Variants in GPR55 observed in about 807,000 individuals in gnomAD.
GPR55 encodes the protein G protein-coupled receptor 55.
GPR55 carries 6 observed loss-of-function variants against 7.9 expected under a neutral mutation model. The ratio of observed to expected loss-of-function variants is 0.76; its 90% CI spans 0.41 to 1.49. The LOEUF (loss-of-function observed/expected upper bound fraction) is 1.49. Among genes scored for constraint, GPR55 ranks in the 40% most tolerant of loss-of-function variants. GPR55 has a pLI of 0.01. For synonymous variants in GPR55, 183 were observed against 166.8 expected, an observed-to-expected ratio of 1.10 and a Z score of -0.75; for missense variants, 376 against 406.0, an observed-to-expected ratio of 0.93 and a Z score of 0.63.
chr2:230,913,727 T>C (rs1269385342), intron 1 of GPR55, among the ~76,000 whole-genome samples: 1 of 152,086 alleles, frequency 6.6e-6, no homozygotes. Context: ...AAAAAATTAC[T>C]GGAATAGCTT....
chr2:230,947,654 C>T (rs995780126), intron 1 of GPR55, among the ~76,000 whole-genome samples: 1 of 151,990 alleles, frequency 6.6e-6, no homozygotes, highest in African/African-American at 2.4e-5. Flanking sequence ...CAGGGGCACA[C>T]CACCATGCCA....
At chr2:230,926,900 T>C (rs60693368), upstream of GPR55, among the ~76,000 whole-genome samples, 135 of 151,658 alleles carry the variant, frequency 8.9e-4, 1 homozygote, top group African/African-American at 3.0e-3. Context: ...ACCATGTTGG[T>C]CAGGCTGGTC....
intron 1 of GPR55, among the ~76,000 whole-genome samples, chr2:230,920,328 T>A (rs1690804842): frequency 6.6e-6 from 1 of 152,070 alleles, no homozygotes; most frequent in Non-Finnish European, 1.5e-5. Context: ...TCACCAAAGC[T>A]CAGCTGATGA....
intron 1 of GPR55, among the ~76,000 whole-genome samples, chr2:230,920,026 A>C (rs1007036814): frequency 4.6e-5 from 7 of 150,990 alleles, no homozygotes; most frequent in African/African-American, 1.5e-4. Flanking sequence ...CATCCCAACC[A>C]GTGGTTGCAT....
chr2:230,948,803 C>T (rs901222540), intron 1 of GPR55, among the ~76,000 whole-genome samples: 5 of 152,186 alleles, frequency 3.3e-5, no homozygotes, highest in East Asian at 1.9e-4. Context: ...GAGGGTTGGG[C>T]GAGGTGGCTC....
At chr2:230,927,724 G>A (rs1046273610), upstream of GPR55, among the ~76,000 whole-genome samples, 1 of 152,224 alleles carries the variant, frequency 6.6e-6, no homozygotes, top group African/African-American at 2.4e-5. Flanking sequence ...GCTTCTTCTA[G>A]GGCAAGGAAC....
Position 230,910,902 on chromosome 2 carries a change from T to C in GPR55, c.61A>G (p.Thr21Ala). The change falls in exon 2 of 2, where the codon ACC becomes GCC. Residue 21 changes from threonine to alanine, a missense_variant. By Grantham distance (58) the Thr-to-Ala change is moderately conservative. Transcript: ENST00000650999. The surrounding 1 kb of genome is among the most constrained non-coding windows in gnomAD (Gnocchi z 5.4). ...GGGATGTGGACTGCAAACTGTAGGG[T>C]TTTCATCAGCTCGTTGACACCGTCA... is the stretch of plus-strand genomic sequence containing the variant. ...LFDGVNELMKTLQFAVHIPTF... is the reference protein window; with the variant it reads ...LFDGVNELMKALQFAVHIPTF... 1.2e-6 allele frequency: 2 copies of C among 1,612,174 alleles called. No homozygotes were observed. The highest frequency in any genetic ancestry group is 1.7e-6 in the Non-Finnish European group (2 of 1,178,710).
intron 1 of GPR55, among the ~76,000 whole-genome samples, chr2:230,950,896 T>C (rs1391792834): frequency 6.6e-6 from 1 of 152,118 alleles, no homozygotes; most frequent in Non-Finnish European, 1.5e-5. Context: ...GCTGACATCA[T>C]GAAGCTTCCA....
At position 230,908,040 on chromosome 2, in the gene GPR55, TCA is replaced by T. The variant is rs1195792224; in HGVS notation, c.*1961_*1962del. On this transcript the variant is annotated 3_prime_UTR_variant, in exon 2 of 2. Transcript: ENST00000650999. ...CGTTGCATGTGAAAGTCTGGCTCCC[TCA>T]GAGTATCACGGGTGGGTCTCTGTCT... The T allele has an allele frequency of 2.0e-4, 15 of 76,368 alleles. No homozygotes were observed. The highest frequency in any genetic ancestry group is 1.0e-3 in the African/African-American group (14 of 13,628). 4.7% of individuals were successfully genotyped at this position (76,368 alleles called of 1,614,324 possible).
At chr2:230,929,706 A>G (rs1691001847), upstream of GPR55, 1 of 152,216 alleles carries the variant, frequency 6.6e-6, no homozygotes, top group Non-Finnish European at 1.5e-5. Context: ...CTTCAAATGC[A>G]ATGGTTGTCT....
rs1295830258 is a variant in GPR55, at chr2:230,944,200, C to A, written c.-135+16575G>T. ...AGGAGACTTCCCAGGAAATTACCCA[C>A]CACTGGACATTGGACAGGGCAAAGC... is the stretch of plus-strand genomic sequence containing the variant. On this transcript the variant is annotated intron_variant, in intron 1 of 1. Transcript: ENST00000392039. This position sits in a 1 kb window ranked among gnomAD's most constrained non-coding sequence, Gnocchi z 4.2. Among the ~76,000 whole-genome samples the A allele has an allele frequency of 6.6e-6, 1 of 152,240 alleles. No homozygotes were observed. Among genetic ancestry groups the A allele is most frequent in the Non-Finnish European group, 1.5e-5 (1 of 68,042 alleles).
chr2:230,907,649 A>C lies in GPR55; in HGVS notation c.*2354T>G, dbSNP rs1028784723. On this transcript the variant is annotated 3_prime_UTR_variant, in exon 2 of 2. Coordinates refer to ENST00000650999, the MANE Select transcript of GPR55 (RefSeq NM_005683.4). Reference sequence around the variant, plus strand: ...CACACTGAGACTGCTGATACCCTCCAAGGACCTTCCTCTTACAGCCATGCA... The same window carrying C: ...CACACTGAGACTGCTGATACCCTCCCAGGACCTTCCTCTTACAGCCATGCA... The C allele has an allele frequency of 3.3e-5, 5 of 152,314 alleles. No homozygotes were observed. The highest frequency in any genetic ancestry group is 7.3e-5 in the Non-Finnish European group (5 of 68,178). The allele number at this position is 152,314 out of a possible 1,614,324, so 9.4% of individuals were successfully genotyped here.
intron 1 of GPR55, among the ~76,000 whole-genome samples, chr2:230,917,425 A>G (rs1690741845): frequency 6.6e-6 from 1 of 152,236 alleles, no homozygotes; most frequent in Non-Finnish European, 1.5e-5. Flanking sequence ...TGAATTATCT[A>G]CCTTACAAGA....
In GPR55 at chr2:230,910,607, C is replaced by T. The variant is rs1411707860; in HGVS notation, c.356G>A (p.Arg119Gln). 1.2e-5 allele frequency: 19 copies of T among 1,613,828 alleles called. No individual in the cohort carries two copies. Among genetic ancestry groups the T allele is most frequent in the South Asian group, 5.5e-5 (5 of 91,078 alleles). The change falls in exon 2 of 2, where the codon CGG becomes CAG. Residue 119 changes from arginine (R) to glutamine (Q), a missense_variant. Transcript: ENST00000650999. This position sits in a 1 kb window ranked among gnomAD's most constrained non-coding sequence, Gnocchi z 5.4. ...TAGCGGGTAACGGATGGCCAAGAAC[C>T]GGTCCATGCTGATGAAGCAGATGGT... Reference protein sequence around the residue: ...VFTICFISMDRFLAIRYPLLV... With the variant: ...VFTICFISMDQFLAIRYPLLV...
intron 1 of GPR55, among the ~76,000 whole-genome samples, chr2:230,942,854 G>A (rs912570867): frequency 6.6e-6 from 1 of 152,034 alleles, no homozygotes; most frequent in Non-Finnish European, 1.5e-5. Flanking sequence ...GAAGGGGCAG[G>A]AGAAGGGGCA....
At chr2:230,960,430 G>A (rs1691550217) in intron 1 of GPR55, among the ~76,000 whole-genome samples, 1 of 152,126 alleles carries the variant, frequency 6.6e-6, no homozygotes, top group Admixed American at 6.5e-5. Flanking sequence ...TTATGATTCT[G>A]GGCCTCTGTA....
At chr2:230,936,930 A>C (rs181819398) in intron 1 of GPR55, among the ~76,000 whole-genome samples, 1 of 152,234 alleles carries the variant, frequency 6.6e-6, no homozygotes, top group Non-Finnish European at 1.5e-5. Flanking sequence ...AAGGAATAGA[A>C]GTCAGGACTC....
intron 1 of GPR55, among the ~76,000 whole-genome samples, chr2:230,951,759 T>TC (rs970427816): frequency 7.6e-6 from 1 of 130,974 alleles, no homozygotes; most frequent in Admixed American, 7.1e-5. Context: ...TATTGGGGTT[T>TC]TTTTTTTTTT....
At chr2:230,916,620 G>T (rs1178173094) in intron 1 of GPR55, among the ~76,000 whole-genome samples, 1 of 152,112 alleles carries the variant, frequency 6.6e-6, no homozygotes, top group Non-Finnish European at 1.5e-5. Context: ...TTCTTGTGTT[G>T]TAGGGGGTGG....
Sources: gnomAD v4.1 joint callset for allele counts (sites outside exome capture counted in the v4.1 genomes callset) on GRCh38, gnomAD v4.1.1 for gene constraint, Gnocchi (gnomAD v3.1) non-coding constraint, MANE v1.5 for transcripts, NCBI Gene and HGNC (gene_info 2026-07-23, HGNC 2026-07-21) for gene names.